EPHB1: variants seen among roughly 807,000 people sequenced by gnomAD.
The protein encoded by EPHB1 is EPH receptor B1, also known as ephrin type-B receptor 1.
In EPHB1, 30 loss-of-function variants were observed where a neutral mutation model predicts 94.4. The observed-to-expected ratio is 0.32, with a 90% CI of 0.24 to 0.43. The LOEUF is 0.43. EPHB1 is among the 20% of genes least tolerant of loss of function. The probability of loss-of-function intolerance (pLI) is 1.00; values close to 1 mark genes in which losing one functional copy is unlikely to be tolerated. For missense variants in EPHB1, 1,055 were observed against 1,308.3 expected, an observed-to-expected ratio of 0.81 and a Z score of 2.99; for synonymous variants, 522 against 489.1, an observed-to-expected ratio of 1.07 and a Z score of -0.89.
intron 3 of EPHB1, among the ~76,000 whole-genome samples, chr3:135,076,608 A>AT (rs1401766835): frequency 6.6e-6 from 1 of 152,240 alleles, no homozygotes; most frequent in Non-Finnish European, 1.5e-5. Context: ...ACTCAAGAGA[A>AT]TGAAAACATA....
intron 3 of EPHB1, among the ~76,000 whole-genome samples, chr3:135,070,380 C>T (rs1334610161): frequency 1.3e-5 from 2 of 152,170 alleles, no homozygotes; most frequent in Non-Finnish European, 2.9e-5. Context: ...CTAGAGTTTA[C>T]TTGACCTGCT....
intron 3 of EPHB1, among the ~76,000 whole-genome samples, chr3:135,030,867 A>G (rs938057424): frequency 1.3e-5 from 2 of 152,106 alleles, no homozygotes; most frequent in African/African-American, 4.8e-5. Flanking sequence ...TGTGCTAGCA[A>G]TCAGCGAGAC....
chr3:134,860,389 T>C (rs2037228409), intron 1 of EPHB1, among the ~76,000 whole-genome samples: 1 of 152,204 alleles, frequency 6.6e-6, no homozygotes, highest in Non-Finnish European at 1.5e-5. Context: ...CCTAGGCTGG[T>C]TGGAGACATG....
At chr3:135,059,667 G>A (rs894293161) in intron 3 of EPHB1, among the ~76,000 whole-genome samples, 16 of 152,178 alleles carry the variant, frequency 1.1e-4, no homozygotes, top group African/African-American at 3.9e-4. Context: ...GCTTAATAAT[G>A]GGATTTGATG....
intron 11 of EPHB1, among the ~76,000 whole-genome samples, chr3:135,200,375 G>T (rs1018081193): frequency 3.5e-4 from 53 of 152,172 alleles, no homozygotes; most frequent in African/African-American, 1.2e-3. Flanking sequence ...GCCATGAAGA[G>T]GAGCAGCAAC....
chr3:134,929,086 G>A (rs1349198407), intron 2 of EPHB1, among the ~76,000 whole-genome samples: 1 of 152,202 alleles, frequency 6.6e-6, no homozygotes, highest in Non-Finnish European at 1.5e-5. Flanking sequence ...GGTAAGAGAA[G>A]GAGGACAGAG....
intron 3 of EPHB1, among the ~76,000 whole-genome samples, chr3:135,064,720 T>G (rs959688444): frequency 6.6e-6 from 1 of 151,274 alleles, no homozygotes; most frequent in African/African-American, 2.5e-5. Context: ...TGCTCTGATC[T>G]TGGTTATTTC....
chr3:135,158,327 T>C (rs1467422931), intron 6 of EPHB1, among the ~76,000 whole-genome samples: 1 of 152,188 alleles, frequency 6.6e-6, no homozygotes, highest in Non-Finnish European at 1.5e-5. Flanking sequence ...AGCAAGCTTT[T>C]CCTGTAAAGA....
intron 3 of EPHB1, among the ~76,000 whole-genome samples, chr3:134,953,126 C>T (rs139399879): frequency 6.6e-6 from 1 of 152,342 alleles, no homozygotes; most frequent in Non-Finnish European, 1.5e-5. Context: ...TGTGAGCCTC[C>T]TGCCAGCTTC....
intron 4 of EPHB1, among the ~76,000 whole-genome samples, chr3:135,112,667 G>A (rs1939503787): frequency 6.6e-6 from 1 of 150,846 alleles, no homozygotes; most frequent in African/African-American, 2.4e-5. Context: ...GTGATAGTTT[G>A]CTGAGAATGA....
At chr3:134,886,297 C>G (rs1384657292) in intron 1 of EPHB1, among the ~76,000 whole-genome samples, 1 of 152,198 alleles carries the variant, frequency 6.6e-6, no homozygotes, top group Non-Finnish European at 1.5e-5. Flanking sequence ...TTACTAATAT[C>G]TTTTGAACAC....
At chr3:135,049,363 A>G (rs1046246742) in intron 3 of EPHB1, among the ~76,000 whole-genome samples, 2 of 152,170 alleles carry the variant, frequency 1.3e-5, no homozygotes, top group Non-Finnish European at 2.9e-5. Flanking sequence ...CTTTTGTGCA[A>G]TTGCAGTCAG....
At chr3:135,183,380 C>G (rs1300261822) in intron 10 of EPHB1, among the ~76,000 whole-genome samples, 6 of 151,886 alleles carry the variant, frequency 4.0e-5, no homozygotes, top group Non-Finnish European at 8.8e-5. Flanking sequence ...GAAGAACTAC[C>G]CTGCACCAGC....
intron 10 of EPHB1, among the ~76,000 whole-genome samples, chr3:135,190,747 A>G (rs1313418643): frequency 1.3e-5 from 2 of 152,266 alleles, no homozygotes; most frequent in Admixed American, 6.5e-5. Flanking sequence ...AAGCAGAGAT[A>G]AGAATCTTCA....
chr3:134,837,219 A>C (rs976580257), intron 1 of EPHB1, among the ~76,000 whole-genome samples: 3 of 152,246 alleles, frequency 2.0e-5, no homozygotes, highest in Non-Finnish European at 2.9e-5. Flanking sequence ...TTCTCTTTAA[A>C]ATATTAAAAT....
rs375482716 is a variant in EPHB1, at chr3:134,925,896, T to G, written c.123+16T>G. On this transcript the variant is annotated intron_variant, in intron 2 of 15. Transcript: ENST00000398015. ...TGCGTCCGGGGTGAGTATCAAACCA[T>G]TCGTCTTTCAGTCCTGCTATGAGGT... 1.7e-5 allele frequency: 27 copies of G among 1,590,696 alleles called. No homozygotes were observed. Among genetic ancestry groups the G allele is most frequent in the Middle Eastern group, 1.7e-4 (1 of 6,038 alleles).
chr3:134,992,982 C>T (rs1435455462), intron 3 of EPHB1, among the ~76,000 whole-genome samples: 2 of 151,368 alleles, frequency 1.3e-5, no homozygotes, highest in Admixed American at 6.5e-5. Context: ...CTGCCAGCTC[C>T]ACCAGCCCTG....
intron 3 of EPHB1, among the ~76,000 whole-genome samples, chr3:135,102,903 A>G (rs541801927): frequency 7.9e-5 from 12 of 152,214 alleles, no homozygotes; most frequent in Non-Finnish European, 1.8e-4. Flanking sequence ...ATATGTTCTC[A>G]CTCATAAGTA....
intron 1 of EPHB1, among the ~76,000 whole-genome samples, chr3:134,904,239 C>T (rs1320458090): frequency 3.3e-5 from 5 of 152,222 alleles, no homozygotes; most frequent in East Asian, 1.9e-4. Context: ...CTCTGATTAT[C>T]GCAACACATC....
Sources: gnomAD v4.1 joint callset for allele counts (sites outside exome capture counted in the v4.1 genomes callset) on GRCh38, gnomAD v4.1.1 for gene constraint, MANE v1.5 for transcripts, NCBI Gene and HGNC (gene_info 2026-07-23, HGNC 2026-07-21) for gene names.